DDR2: variants seen among roughly 807,000 people sequenced by gnomAD.
DDR2 encodes the protein discoidin domain-containing receptor 2.
In DDR2, 27 loss-of-function variants were observed where a neutral mutation model predicts 94.9. The ratio of observed to expected loss-of-function variants is 0.28; its 90% confidence interval spans 0.21 to 0.39. The LOEUF is 0.39. Among genes scored for constraint, DDR2 ranks in the 10% least tolerant of loss-of-function variants. The pLI is 1.00. For synonymous variants in DDR2, 382 were observed against 377.2 expected, an observed-to-expected ratio of 1.01 and a Z score of -0.15; for missense variants, 783 against 1,076.0, an observed-to-expected ratio of 0.73 and a Z score of 3.81.
chr1:162,770,215 T>A, intron 11 of DDR2, 87 bp from the exon 12 acceptor site: 16 of 1,303,540 alleles, frequency 1.2e-5, no homozygotes, highest in Non-Finnish European at 1.7e-5. Flanking sequence ...GTTATTTCAT[T>A]TGAGTGGGAG....
At chr1:162,684,254 A>C (rs2101963115) in intron 2 of DDR2, among the ~76,000 whole-genome samples, 1 of 152,254 alleles carries the variant, frequency 6.6e-6, no homozygotes, top group South Asian at 2.1e-4. Flanking sequence ...TTTCTGTTTA[A>C]GGGAACATCC....
chr1:162,727,558 A>G (rs1053325024), intron 3 of DDR2, among the ~76,000 whole-genome samples: 1 of 149,006 alleles, frequency 6.7e-6, no homozygotes, highest in African/African-American at 2.4e-5. Context: ...AAAAATAAAT[A>G]AATAAATACA....
At chr1:162,721,549 A>G (rs1661424841) in intron 3 of DDR2, among the ~76,000 whole-genome samples, 1 of 152,236 alleles carries the variant, frequency 6.6e-6, no homozygotes, top group African/African-American at 2.4e-5. Context: ...CCTGAGGCTC[A>G]TAGAATGTTA....
intron 2 of DDR2, among the ~76,000 whole-genome samples, chr1:162,661,182 G>A (rs1319944298): frequency 1.3e-5 from 2 of 152,076 alleles, no homozygotes; most frequent in African/African-American, 4.8e-5. Context: ...CATTTAATAT[G>A]TCCCTCCTCA....
At chr1:162,726,146 A>G (rs1428443504) in intron 3 of DDR2, among the ~76,000 whole-genome samples, 1 of 152,248 alleles carries the variant, frequency 6.6e-6, no homozygotes, top group Non-Finnish European at 1.5e-5. Flanking sequence ...CATAGTGTCA[A>G]ACACACAGAA....
At chr1:162,771,694 A>G (rs1273564085) in intron 12 of DDR2, among the ~76,000 whole-genome samples, 1 of 152,220 alleles carries the variant, frequency 6.6e-6, no homozygotes, top group Non-Finnish European at 1.5e-5. Context: ...TTAAGGAAAT[A>G]AGTTATTAAA....
At chr1:162,754,542 G>T in intron 4 of DDR2, 82 bp from the exon 5 acceptor site, 2 of 1,400,394 alleles carry the variant, frequency 1.4e-6, no homozygotes, top group Non-Finnish European at 2.0e-6. Flanking sequence ...CCTCAGTACA[G>T]GGCAGCTGCT....
At chr1:162,652,451 T>C (rs1240810433) in intron 1 of DDR2, among the ~76,000 whole-genome samples, 8 of 152,114 alleles carry the variant, frequency 5.3e-5, no homozygotes, top group Admixed American at 5.2e-4. Context: ...GGAAATTCCT[T>C]TTGTTTGGAA....
intron 1 of DDR2, among the ~76,000 whole-genome samples, chr1:162,652,151 C>A (rs1277269036): frequency 6.6e-6 from 1 of 152,186 alleles, no homozygotes; most frequent in African/African-American, 2.4e-5. Flanking sequence ...TATTAGTTTG[C>A]TCATTTGTAA....
chr1:162,713,255 G>A (rs1412545803), intron 2 of DDR2, among the ~76,000 whole-genome samples: 5 of 152,242 alleles, frequency 3.3e-5, no homozygotes, highest in East Asian at 1.9e-4. Flanking sequence ...AGTATAGGAC[G>A]TGTTCCCCCC....
intron 1 of DDR2, among the ~76,000 whole-genome samples, chr1:162,639,464 C>T (rs1197679361): frequency 6.6e-6 from 1 of 152,162 alleles, no homozygotes; most frequent in Non-Finnish European, 1.5e-5. Context: ...AGGTATAAAC[C>T]TTACATCCTT....
At position 162,635,561 on chromosome 1, in the gene DDR2, A is replaced by G. The variant is rs6658082; in HGVS notation, c.-192+2930A>G. 6.3e-3 allele frequency among the ~76,000 whole-genome samples: 966 copies of G among 152,144 alleles called. 12 individuals are homozygous for G. The highest frequency in any genetic ancestry group is 0.022 in the African/African-American group (913 of 41,502). On this transcript the variant is annotated intron_variant, in intron 1 of 17. Transcript: ENST00000367921. Reference sequence around the variant, plus strand: ...CCTGTCCGCAACACAGACACACTGGACTCTTTATACCTCTTGCCCTGTTTG... The same window carrying G: ...CCTGTCCGCAACACAGACACACTGGGCTCTTTATACCTCTTGCCCTGTTTG...
intron 2 of DDR2, among the ~76,000 whole-genome samples, chr1:162,678,130 C>A (rs1256730387): frequency 6.6e-6 from 1 of 152,132 alleles, no homozygotes; most frequent in Non-Finnish European, 1.5e-5. Context: ...GCTCTGGAGT[C>A]AAACTGGCTG....
intron 3 of DDR2, among the ~76,000 whole-genome samples, chr1:162,752,520 T>C (rs1211249122): frequency 6.6e-6 from 1 of 152,262 alleles, no homozygotes; most frequent in Non-Finnish European, 1.5e-5. Context: ...TCTCTGTTAC[T>C]CCGTCTTTGG....
chr1:162,784,705 A>C lies in DDR2; in HGVS notation c.*4459A>C, dbSNP rs1648076647. 1 of 152,148 alleles carries C rather than the reference A, an allele frequency of 6.6e-6. No homozygotes were observed. Among genetic ancestry groups the C allele is most frequent in the African/African-American group, 2.4e-5 (1 of 41,420 alleles). 9.4% of individuals were successfully genotyped at this position (152,148 alleles called of 1,614,324 possible). ...ATTGTTGAGTTGCTGTATCCTTTAA[A>C]AAAAAACAAAAAACTTGTTATTTTG... On this transcript the variant is annotated 3_prime_UTR_variant, in exon 18 of 18. Transcript: ENST00000367921.
intron 3 of DDR2, among the ~76,000 whole-genome samples, chr1:162,746,747 CT>C (rs1662889451): frequency 1.3e-5 from 2 of 152,230 alleles, no homozygotes; most frequent in African/African-American, 4.8e-5. Context: ...CCTCATACAG[CT>C]GGGTGCCCCT....
Position 162,780,253 on chromosome 1 carries a change from C to T in DDR2, c.*7C>T. 6.2e-7 allele frequency: 1 copy of T among 1,613,746 alleles called. No individual in the cohort carries two copies. Among genetic ancestry groups the T allele is most frequent in the Non-Finnish European group, 8.5e-7 (1 of 1,179,820 alleles). ...TCAACAAGGCGACGAGTGATGCTGT[C>T]AGTGCCTGGCCATGTTCCTACGGCT... is the stretch of plus-strand genomic sequence containing the variant. On this transcript the variant is annotated 3_prime_UTR_variant, in exon 18 of 18. Transcript: ENST00000367921.
chr1:162,771,932 G>A (rs1647246527), intron 12 of DDR2, 92 bp from the exon 13 acceptor site: 1 of 1,343,112 alleles, frequency 7.4e-7, no homozygotes, highest in African/African-American at 1.5e-5. Flanking sequence ...CTTTCACAGG[G>A]GCATGTTTTA....
intron 2 of DDR2, among the ~76,000 whole-genome samples, chr1:162,679,779 T>C (rs1233115847): frequency 6.7e-6 from 1 of 149,212 alleles, no homozygotes; most frequent in East Asian, 2.0e-4. Flanking sequence ...TGTTTTTTTT[T>C]CAACCTTGCC....
Sources: gnomAD v4.1 joint callset for allele counts (sites outside exome capture counted in the v4.1 genomes callset) on GRCh38, gnomAD v4.1.1 for gene constraint, MANE v1.5 for transcripts, NCBI Gene and HGNC (gene_info 2026-07-23, HGNC 2026-07-21) for gene names.